LTBP4: variants seen among roughly 807,000 people sequenced by gnomAD.
LTBP4 encodes the protein latent-transforming growth factor beta-binding protein 4.
LTBP4 carries 93 observed loss-of-function variants against 180.2 expected under a neutral mutation model. That is an observed-to-expected ratio of 0.52 (90% CI 0.44 to 0.61). The LOEUF (loss-of-function observed/expected upper bound fraction) is 0.61. Among genes scored for constraint, LTBP4 ranks in the 20% least tolerant of loss-of-function variants. LTBP4 has a pLI of 0.00. For synonymous variants in LTBP4, 947 were observed against 934.5 expected (o/e 1.01, Z -0.24); for missense variants, 2,116 against 2,256.5 (o/e 0.94, Z 1.26).
At chr19:40,604,447 G>A (rs904728810) in intron 1 of LTBP4, among the ~76,000 whole-genome samples, 5 of 152,154 alleles carry the variant, frequency 3.3e-5, no homozygotes, top group African/African-American at 7.2e-5. Context: ...ACAGCAAAGG[G>A]TTCCGTCGGA....
chr19:40,624,761 T>C (rs2081612566), intron 26 of LTBP4, among the ~76,000 whole-genome samples: 1 of 152,058 alleles, frequency 6.6e-6, no homozygotes, highest in Non-Finnish European at 1.5e-5. Context: ...TTATTTATTT[T>C]TTACTAAGTA....
chr19:40,599,549 C>A (rs2081409253), upstream of LTBP4: 1 of 1,608,468 alleles, frequency 6.2e-7, no homozygotes, highest in South Asian at 1.1e-5. Flanking sequence ...CAACTGGCAG[C>A]CACTGACGTG....
upstream of LTBP4, chr19:40,597,224 C>T (rs1475547878): frequency 4.1e-6 from 6 of 1,474,876 alleles, no homozygotes; most frequent in Admixed American, 2.3e-5. Context: ...CGGGACTCGG[C>T]GCCCGACACG....
In LTBP4 at chr19:40,607,450, C is replaced by A; in HGVS notation, c.1077C>A (p.Ile359=). The A allele has an allele frequency of 1.9e-6, 3 of 1,613,488 alleles. No individual in the cohort carries two copies. Among genetic ancestry groups the A allele is most frequent in the Non-Finnish European group, 2.5e-6 (3 of 1,179,780 alleles). The stretch of plus-strand genomic sequence containing the variant: ...GTTCGCTGCCCATTCTGCGGAACAT[C>A]ACTAAACAGATCTGCTGCTGCAGCC... ...GGCSLPILRN[I]TKQICCCSRV... Residue 359 remains isoleucine (I), a synonymous_variant, in exon 7 of 30, where the codon ATC becomes ATA. Coordinates refer to ENST00000396819, the MANE Select transcript of LTBP4 (RefSeq NM_001042545.2).
intron 22 of LTBP4, among the ~76,000 whole-genome samples, chr19:40,621,969 G>A (rs1384779181): frequency 2.0e-5 from 3 of 152,086 alleles, no homozygotes; most frequent in Non-Finnish European, 4.4e-5. Context: ...GGCTGGTCTC[G>A]AACTCCTGAC....
chr19:40,606,605 A>G, intron 6 of LTBP4, 79 bp downstream of exon 6: 2 of 1,502,970 alleles, frequency 1.3e-6, no homozygotes, highest in Admixed American at 4.0e-5. Context: ...GGGGCCTTTA[A>G]TTCCCTCGGA....
upstream of LTBP4, chr19:40,597,139 CGGGCGGGGGCGGGGGCGGGGGCAG>C: frequency 9.5e-7 from 1 of 1,047,512 alleles, no homozygotes; most frequent in Non-Finnish European, 1.2e-6. Context: ...GAGTCGGCCT[CGGGCGGGGGCGGGGGCGGGGGCAG>C]GGGCGGGGCC....
chr19:40,601,398 G>T lies in LTBP4; in HGVS notation c.11G>T (p.Gly4Val). 7.6e-7 allele frequency: 1 copy of T among 1,313,982 alleles called. No homozygotes were observed. Among genetic ancestry groups the T allele is most frequent in the African/African-American group, 1.5e-5 (1 of 65,660 alleles). 81.4% of individuals were successfully genotyped at this position (1,313,982 alleles called of 1,614,324 possible). Reference sequence around the variant, plus strand: ...CGCGGCGCTGCAGCCATGGCGGGCGGCGTGCGGCTGCTCTGGGTGTCGCTA... The same window carrying T: ...CGCGGCGCTGCAGCCATGGCGGGCGTCGTGCGGCTGCTCTGGGTGTCGCTA... MAG[G>V]VRLLWVSLLV... Residue 4 changes from glycine (G) to valine (V), a missense_variant, in exon 1 of 30, where the codon GGC (glycine) becomes GTC (valine). Physicochemically the swap from Gly to Val is moderately radical, Grantham distance 109 (BLOSUM62 -3). This residue lies in a region of LTBP4 where 469 missense variants were observed against 532.5 expected (regional missense o/e 0.88). Transcript: ENST00000396819.
Position 40,609,864 on chromosome 19 carries a change from A to C in LTBP4, c.1677A>C (p.Glu559Asp), listed in dbSNP as rs1267314387. 1 of 1,569,160 alleles carries C rather than the reference A, an allele frequency of 6.4e-7. No individual in the cohort carries two copies. Among genetic ancestry groups the C allele is most frequent in the Non-Finnish European group, 8.7e-7 (1 of 1,155,994 alleles). The stretch of plus-strand genomic sequence containing the variant: ...TCCGAGCCGGCCCACGGGCTGCGGA[A>C]TGCCTGGGTGAGAAATTTGCCCCAC... Reference protein sequence around the residue: ...PGFRAGPRAAECLDVDECHRV... With the variant: ...PGFRAGPRAADCLDVDECHRV... Residue 559 changes from glutamate (E) to aspartate (D), a missense_variant, in exon 11 of 30, where the codon GAA becomes GAC. Physicochemically the swap from Glu to Asp is conservative, Grantham distance 45. Coordinates refer to ENST00000396819, the MANE Select transcript of LTBP4 (RefSeq NM_001042545.2). The surrounding 1 kb of genome is among the most constrained non-coding windows in gnomAD (Gnocchi z 4.9).
rs2081615661 is a variant in LTBP4 at position 40,625,248 on chromosome 19, GTATTTATATATATA to G, written c.3833-605_3833-592del. Reference sequence around the variant, plus strand: ...CCGCCACCAAGCCTGGCTAATTTTTGTATTTATATATATATATATATATATATATATATATATAT... The same window carrying G: ...CCGCCACCAAGCCTGGCTAATTTTTGTATATATATATATATATATATATAT... On this transcript the variant is annotated intron_variant, in intron 26 of 29. Coordinates refer to ENST00000396819, the MANE Select transcript of LTBP4 (RefSeq NM_001042545.2). Among the ~76,000 whole-genome samples the G allele has an allele frequency of 1.7e-4, 10 of 58,728 alleles. 1 individual carries two copies. The highest frequency in any genetic ancestry group is 8.3e-3 in the Middle Eastern group (1 of 120). The allele number at this position is 58,728 out of a possible 152,430, so 38.5% of individuals were successfully genotyped here. A position where few individuals can be genotyped will look rare whatever the true frequency, so the allele number is the denominator to read the frequency against.
rs1375169822 is a variant in LTBP4 at position 40,623,677 on chromosome 19, C to T, written c.3630C>T (p.Tyr1210=). The T allele has an allele frequency of 2.5e-6, 4 of 1,613,924 alleles. No homozygotes were observed. The highest frequency in any genetic ancestry group is 1.7e-5 in the Admixed American group (1 of 60,008). Residue 1210 remains tyrosine, a synonymous_variant, in exon 25 of 30, where the codon TAC becomes TAT. Coordinates refer to ENST00000396819, the MANE Select transcript of LTBP4 (RefSeq NM_001042545.2). ...SGVCVNTAPG[Y]SCYCSNGYYY... is the part of the protein sequence containing the mutation. ...TGTGTGTGAACACGGCCCCGGGCTA[C>T]TCATGCTATTGCAGCAACGGCTACT... is the stretch of plus-strand genomic sequence containing the variant.
intron 6 of LTBP4, among the ~76,000 whole-genome samples, chr19:40,606,920 T>A (rs1314896228): frequency 6.6e-6 from 1 of 152,152 alleles, no homozygotes; most frequent in Non-Finnish European, 1.5e-5. Flanking sequence ...GCTAAATTTT[T>A]TTGTATTTTT....
At position 40,601,596 on chromosome 19, in the gene LTBP4, C is replaced by T. The variant is rs1253942275; in HGVS notation, c.209C>T (p.Ala70Val). The change falls in exon 1 of 30, where the codon GCT becomes GTT. Residue 70 changes from alanine (A) to valine (V), a missense_variant. Physicochemically the swap from Ala to Val is moderately conservative, Grantham distance 64 (BLOSUM62 0). Coordinates refer to ENST00000396819, the MANE Select transcript of LTBP4 (RefSeq NM_001042545.2). ...AACGCCACCAGCGTGGACAGCGGCG[C>T]TCCCGGCGGGGCGGCCCCGGGGGGA... ...PRNATSVDSG[A>V]PGGAAPGGPG... 1.4e-6 allele frequency: 2 copies of T among 1,415,752 alleles called. No individual in the cohort carries two copies. Among genetic ancestry groups the T allele is most frequent in the African/African-American group, 1.5e-5 (1 of 66,408 alleles). The allele number at this position is 1,415,752 out of a possible 1,614,324, so 87.7% of individuals were successfully genotyped here.
At chr19:40,601,250 G>A (rs1445727187), upstream of LTBP4, 2 of 666,808 alleles carry the variant, frequency 3.0e-6, no homozygotes, top group Non-Finnish European at 3.7e-6. Flanking sequence ...CCCCCGCGCG[G>A]CCGCCGGGGA....
At chr19:40,618,076 T>TA (rs2081562601) in intron 21 of LTBP4, among the ~76,000 whole-genome samples, 1 of 151,856 alleles carries the variant, frequency 6.6e-6, no homozygotes, top group South Asian at 2.1e-4. Flanking sequence ...TTTTTTTTTT[T>TA]ACTTTGAGGT....
In LTBP4 at chr19:40,616,892, T is replaced by A. The variant is rs760649933; in HGVS notation, c.2816T>A (p.Val939Glu). Residue 939 changes from valine (V) to glutamate (E), a missense_variant, in exon 20 of 30, where the codon GTG becomes GAG. Physicochemically the swap from Val to Glu is moderately radical, Grantham distance 121. This residue lies in a region of LTBP4 where 877 missense variants were observed against 873.6 expected (regional missense o/e 1.00). Transcript: ENST00000396819. ...TCATCTCCTCCACACTCTGCAGATGTGGATGAGTGCCAAGAATATGGTCCC... is the reference window on the plus strand; with the variant it reads ...TCATCTCCTCCACACTCTGCAGATGAGGATGAGTGCCAAGAATATGGTCCC... ...HAGPEGTCDD[V>E]DECQEYGPEI... is the part of the protein sequence containing the mutation. The A allele has an allele frequency of 6.2e-7, 1 of 1,613,928 alleles. No homozygotes were observed. The highest frequency in any genetic ancestry group is 8.5e-7 in the Non-Finnish European group (1 of 1,179,872).
chr19:40,610,411 TC>T, intron 11 of LTBP4, 120 bp from the exon 12 acceptor site: 1 of 1,213,412 alleles, frequency 8.2e-7, no homozygotes, highest in Non-Finnish European at 1.1e-6. Flanking sequence ...CCTGGCCGGG[TC>T]CCCATCCTGG....
rs1334902951 is a variant in LTBP4, at chr19:40,627,936, T to C, written c.4519+79T>C. The C allele has an allele frequency of 2.7e-6, 4 of 1,488,796 alleles. No homozygotes were observed. The East Asian group carries it at 9.9e-5, about 37-fold the overall frequency. 92.2% of individuals were successfully genotyped at this position (1,488,796 alleles called of 1,614,324 possible). ...GAGGGTGGAAGCCCTGACTAGGGGG[T>C]GCTGGTCAGGGACGGGAAAGGACCT... is the stretch of plus-strand genomic sequence containing the variant. On this transcript the variant is annotated intron_variant, in intron 29 of 29. Coordinates refer to ENST00000396819, the MANE Select transcript of LTBP4 (RefSeq NM_001042545.2).
rs12974675 is a variant in LTBP4, at chr19:40,602,197, G to A, written c.250+560G>A. Reference sequence around the variant, plus strand: ...TGTGTGTGTGTGGCGGCGGGGGTGGGGTGGGGGTGTCTCCGCAGGACCTGA... The same window carrying A: ...TGTGTGTGTGTGGCGGCGGGGGTGGAGTGGGGGTGTCTCCGCAGGACCTGA... On this transcript the variant is annotated intron_variant, in intron 1 of 29. Transcript: ENST00000396819. 4.0e-5 allele frequency among the ~76,000 whole-genome samples: 6 copies of A among 149,672 alleles called. 1 individual carries two copies. The highest frequency in any genetic ancestry group is 2.0e-4 in the Admixed American group (3 of 15,036).
Sources: gnomAD v4.1 joint callset for allele counts (sites outside exome capture counted in the v4.1 genomes callset) on GRCh38, gnomAD v4.1.1 for gene constraint, gnomAD v4.1.1 regional missense constraint, Gnocchi (gnomAD v3.1) non-coding constraint, MANE v1.5 for transcripts, NCBI Gene and HGNC (gene_info 2026-07-23, HGNC 2026-07-21) for gene names.